The following DRC4 variants were observed in gnomAD, a reference collection of about 807,000 sequenced individuals.
DRC4 encodes the protein dynein regulatory complex subunit 4, also known as GAS-11.
chr16:90,040,340 C>T, the DRC4 span: 1 of 1,603,110 alleles, frequency 6.2e-7, no homozygotes, highest in Middle Eastern at 1.7e-4. Flanking sequence ...AAGTTCACCG[C>T]AGCCATCCAG....
At chr16:90,042,629 C>A in the DRC4 span, 1 of 1,008,790 alleles carries the variant, frequency 9.9e-7, no homozygotes, top group East Asian at 2.5e-5. Context: ...CCTGTGCCCA[C>A]TTCGTACCTC....
the DRC4 span, among the ~76,000 whole-genome samples, chr16:90,039,578 G>C: frequency 1.3e-5 from 2 of 151,778 alleles, no homozygotes; most frequent in Non-Finnish European, 2.9e-5. Flanking sequence ...ATAGAGACAG[G>C]GTTTCACTCT....
the DRC4 span, among the ~76,000 whole-genome samples, chr16:90,033,937 G>A: frequency 6.9e-6 from 1 of 145,336 alleles, no homozygotes; most frequent in Non-Finnish European, 1.5e-5. Flanking sequence ...GAGTGACCAG[G>A]AGGAGACTGT....
At chr16:90,041,593 T>A in the DRC4 span, among the ~76,000 whole-genome samples, 6 of 152,054 alleles carry the variant, frequency 3.9e-5, no homozygotes, top group Non-Finnish European at 7.4e-5. Flanking sequence ...ATCACGAGTT[T>A]GGGAGTTCAA....
chr16:90,042,171 A>G, the DRC4 span: 1 of 478,328 alleles, frequency 2.1e-6, no homozygotes, highest in South Asian at 1.6e-5. Flanking sequence ...CCTGACCTCA[A>G]GTGATCTGCC....
chr16:90,043,806 G>A, the DRC4 span: 5 of 469,260 alleles, frequency 1.1e-5, no homozygotes, highest in African/African-American at 8.0e-5. Context: ...CCTAGGAAGT[G>A]GTGAGCCAAT....
At chr16:90,029,169 G>A in the DRC4 span, 174 of 1,354,562 alleles carry the variant, frequency 1.3e-4, 1 homozygote, top group Non-Finnish European at 1.6e-4. Flanking sequence ...AGGCTACGGG[G>A]CAGCTTACGG....
the DRC4 span, chr16:90,022,875 C>T: frequency 3.9e-6 from 3 of 778,226 alleles, no homozygotes; most frequent in Non-Finnish European, 5.4e-6. Flanking sequence ...TGGGGGTCTC[C>T]GTGGGGCAAA....
the DRC4 span, chr16:90,042,620 C>G: frequency 8.9e-7 from 1 of 1,126,440 alleles, no homozygotes; most frequent in Middle Eastern, 2.8e-4. Flanking sequence ...AGGACCCCAC[C>G]TGTGCCCACT....
At chr16:90,027,363 C>T in the DRC4 span, among the ~76,000 whole-genome samples, 3 of 152,224 alleles carry the variant, frequency 2.0e-5, no homozygotes, top group African/African-American at 7.2e-5. Flanking sequence ...GCTGGGATTA[C>T]AGGCGTGAGC....
chr16:90,036,522 C>T, the DRC4 span: 1 of 1,611,986 alleles, frequency 6.2e-7, no homozygotes, highest in Admixed American at 1.7e-5. Context: ...GAGGCCTTCA[C>T]CGACATTAAG....
chr16:90,027,050 C>T, the DRC4 span, among the ~76,000 whole-genome samples: 5 of 151,056 alleles, frequency 3.3e-5, no homozygotes, highest in East Asian at 1.9e-4. Flanking sequence ...GTAACTGGGA[C>T]TATAGGCACA....
chr16:90,039,924 C>G, the DRC4 span: 1 of 301,150 alleles, frequency 3.3e-6, no homozygotes, highest in Non-Finnish European at 6.6e-6. Flanking sequence ...GCTCGGCCTG[C>G]TGGATGCCCT....
chr16:90,041,839 AT>A, the DRC4 span, among the ~76,000 whole-genome samples: 1 of 152,116 alleles, frequency 6.6e-6, no homozygotes, highest in Admixed American at 6.6e-5. Flanking sequence ...GCCTCAAGAA[AT>A]TTAAGCAATA....
chr16:90,043,192 A>G, the DRC4 span: 2 of 1,608,638 alleles, frequency 1.2e-6, no homozygotes, highest in Non-Finnish European at 1.7e-6. Context: ...CCCTGTCTCC[A>G]CAGGCCCATA....
the DRC4 span, chr16:90,043,410 T>C: frequency 4.1e-6 from 6 of 1,465,276 alleles, no homozygotes; most frequent in South Asian, 7.3e-5. Flanking sequence ...ACACCCCTTA[T>C]CACACCAAGG....
At chr16:90,031,177 T>A in the DRC4 span, 1 of 1,530,004 alleles carries the variant, frequency 6.5e-7, no homozygotes, top group East Asian at 2.4e-5. Flanking sequence ...TACATTTAGC[T>A]GTTTATTTTT....
the DRC4 span, chr16:90,028,999 G>C: frequency 1.5e-6 from 2 of 1,305,356 alleles, no homozygotes; most frequent in Non-Finnish European, 2.0e-6. Flanking sequence ...TCAGGTTTGT[G>C]TTCTGGAAAG....
chr16:90,034,095 A>T, the DRC4 span, among the ~76,000 whole-genome samples: 1 of 151,926 alleles, frequency 6.6e-6, no homozygotes, highest in East Asian at 1.9e-4. Flanking sequence ...CAGAGGAGAG[A>T]TGTGTCTCAC....
Sources: allele counts gnomAD v4.1 joint callset (sites outside exome capture counted in the v4.1 genomes callset), GRCh38; gene constraint gnomAD v4.1.1; transcripts MANE v1.5; gene names NCBI Gene and HGNC (gene_info 2026-07-23, HGNC 2026-07-21).